The following CNOT4 variants were observed in gnomAD, a reference collection of about 807,000 sequenced individuals.
The protein encoded by CNOT4 is CCR4-NOT transcription complex subunit 4.
A neutral mutation model predicts 73.8 loss-of-function variants in CNOT4; 8 were observed. The observed-to-expected ratio is 0.11, with a 90% confidence interval of 0.06 to 0.20. CNOT4 has a LOEUF of 0.20. CNOT4 is among the 10% of genes least tolerant of loss of function. The pLI, the probability that CNOT4 is intolerant of heterozygous loss-of-function variation, is 1.00. For missense variants in CNOT4, 564 were observed against 883.4 expected (o/e 0.64, Z 4.58); for synonymous variants, 293 against 321.1 (o/e 0.91, Z 0.94).
chr7:135,362,610 G>T lies in CNOT4; in HGVS notation c.*275C>A, dbSNP rs1412513115. On this transcript the variant is annotated 3_prime_UTR_variant, in exon 12 of 12. Transcript: ENST00000541284. ...CAATAATTTTCTAAGTATTGAGACT[G>T]CCCTTTGATTTTTTTTTCTCTCCTT... is the stretch of plus-strand genomic sequence containing the variant. The T allele has an allele frequency of 3.5e-6, 2 of 565,480 alleles. No individual in the cohort carries two copies. Among genetic ancestry groups the T allele is most frequent in the Admixed American group, 5.9e-5 (2 of 33,702 alleles). 35.0% of individuals were successfully genotyped at this position (565,480 alleles called of 1,614,324 possible).
At position 135,438,326 on chromosome 7, in the gene CNOT4, A is replaced by C; in HGVS notation, c.6T>G (p.Ser2=). The C allele has an allele frequency of 6.2e-7, 1 of 1,601,712 alleles. No individual in the cohort carries two copies. M[S]RSPDAKEDPV... ...GGTCTTCCTTCGCATCAGGACTGCG[A>C]GACATCTTCACGTTTATTAAACAGC... is the stretch of plus-strand genomic sequence containing the variant. The change falls in exon 2 of 12, where the codon TCT becomes TCG. Residue 2 remains serine, a synonymous_variant. Transcript: ENST00000541284.
chr7:135,401,947 G>A lies in CNOT4; in HGVS notation c.822-3721C>T, dbSNP rs542835143. Among the ~76,000 whole-genome samples, 10 of 152,162 alleles carry A rather than the reference G, an allele frequency of 6.6e-5. No homozygotes were observed. The South Asian group carries it at 2.1e-3, about 32-fold the overall frequency. On this transcript the variant is annotated intron_variant, in intron 7 of 11. Coordinates refer to ENST00000541284, the MANE Select transcript of CNOT4 (RefSeq NM_001190850.2). ...ACTAAGAAATACTAATAGGTAATCT[G>A]GTCTCCTAACACAATCAAGATATTC...
At chr7:135,396,107 CTTTTTTTTTTTTTTT>C (rs71174519) in intron 8 of CNOT4, among the ~76,000 whole-genome samples, 10 of 95,432 alleles carry the variant, frequency 1.0e-4, no homozygotes, top group African/African-American at 1.4e-4. Flanking sequence ...ACTAGTCTCC[CTTTTTTTTTTTTTTT>C]TTTTTTTTTT....
intron 1 of CNOT4, among the ~76,000 whole-genome samples, chr7:135,504,958 A>G (rs889390308): frequency 7.9e-5 from 12 of 152,208 alleles, no homozygotes; most frequent in East Asian, 3.9e-4. Context: ...AAAGCATTTT[A>G]TTCTTCTAAT....
rs1797794594 is a variant in CNOT4, at chr7:135,415,168, T to TTA, written c.459+6_459+7dup. On this transcript the variant is annotated splice_region_variant and intron_variant, in intron 4 of 11. Transcript: ENST00000541284. Reference sequence around the variant, plus strand: ...GGAGGAAAAGCAAAAATCCCTAAAATTAGTTACCTGTGAGCCTGCATATGA... The same window carrying TTA: ...GGAGGAAAAGCAAAAATCCCTAAAATTATAGTTACCTGTGAGCCTGCATATGA... 6.4e-7 allele frequency: 1 copy of TTA among 1,562,492 alleles called. No individual in the cohort carries two copies. Among genetic ancestry groups the TTA allele is most frequent in the African/African-American group, 1.4e-5 (1 of 73,564 alleles).
intron 1 of CNOT4, among the ~76,000 whole-genome samples, chr7:135,504,385 T>G (rs181497967): frequency 1.9e-4 from 29 of 148,984 alleles, no homozygotes; most frequent in African/African-American, 7.2e-4. Flanking sequence ...AACCTCTGAC[T>G]CCCAAGTTCA....
chr7:135,497,535 A>C (rs1386242743), intron 1 of CNOT4, among the ~76,000 whole-genome samples: 1 of 152,174 alleles, frequency 6.6e-6, no homozygotes, highest in Non-Finnish European at 1.5e-5. Flanking sequence ...AACAGAACAG[A>C]CCAAAAAAAA....
intron 1 of CNOT4, among the ~76,000 whole-genome samples, chr7:135,489,240 T>C (rs1446735356): frequency 6.6e-6 from 1 of 152,120 alleles, no homozygotes; most frequent in African/African-American, 2.4e-5. Flanking sequence ...ATTAATTTTA[T>C]TTAACCCAAC....
chr7:135,366,948 C>T (rs1487864679), intron 10 of CNOT4, among the ~76,000 whole-genome samples: 1 of 152,164 alleles, frequency 6.6e-6, no homozygotes, highest in Non-Finnish European at 1.5e-5. Context: ...GCTGCGAGGG[C>T]TTCTGGCAAT....
At chr7:135,376,100 T>C (rs997289789) in intron 10 of CNOT4, among the ~76,000 whole-genome samples, 3 of 150,628 alleles carry the variant, frequency 2.0e-5, no homozygotes, top group African/African-American at 4.9e-5. Flanking sequence ...ATCTTAACAA[T>C]GAACACCACA....
chr7:135,397,789 G>A (rs1796778394), intron 8 of CNOT4, among the ~76,000 whole-genome samples: 1 of 152,048 alleles, frequency 6.6e-6, no homozygotes, highest in Admixed American at 6.6e-5. Context: ...AAATACACTT[G>A]ACTGAAATAG....
rs1797090743 is a variant in CNOT4 at position 135,403,123 on chromosome 7, T to C, written c.822-4897A>G. On this transcript the variant is annotated intron_variant, in intron 7 of 11. Transcript: ENST00000541284. ...ATTTACTTACATTTTAAACATAAAA[T>C]TTACATAAGGATAAAAGTCAACATA... is the stretch of plus-strand genomic sequence containing the variant. 1.3e-5 allele frequency among the ~76,000 whole-genome samples: 2 copies of C among 152,230 alleles called. 1 individual carries two copies. Among genetic ancestry groups the C allele is most frequent in the South Asian group, 4.1e-4 (2 of 4,830 alleles).
chr7:135,398,838 T>C (rs891851702), intron 7 of CNOT4, among the ~76,000 whole-genome samples: 1 of 152,098 alleles, frequency 6.6e-6, no homozygotes, highest in African/African-American at 2.4e-5. Flanking sequence ...TTTCTGGGTG[T>C]TTGACAGAGG....
chr7:135,388,055 A>T (rs926914782), intron 10 of CNOT4: 2 of 985,318 alleles, frequency 2.0e-6, no homozygotes, highest in African/African-American at 3.5e-5. Context: ...GTTTCAGATA[A>T]GTCAACTATA....
intron 2 of CNOT4, among the ~76,000 whole-genome samples, chr7:135,436,352 G>T (rs1294918342): frequency 6.8e-6 from 1 of 147,982 alleles, no homozygotes. Context: ...CATCCCAAAG[G>T]GAAAAAAAAA....
intron 1 of CNOT4, among the ~76,000 whole-genome samples, chr7:135,489,200 A>C (rs989986124): frequency 3.9e-5 from 6 of 152,136 alleles, no homozygotes; most frequent in Admixed American, 3.3e-4. Flanking sequence ...CACTAGCCAT[A>C]TTTAGAAAAA....
intron 1 of CNOT4, among the ~76,000 whole-genome samples, chr7:135,504,330 C>T (rs1204737752): frequency 2.0e-5 from 3 of 149,498 alleles, no homozygotes; most frequent in Non-Finnish European, 1.5e-5. Context: ...AAGTCTCACT[C>T]TGTCACCCAG....
intron 10 of CNOT4, among the ~76,000 whole-genome samples, chr7:135,378,811 C>A (rs1795668737): frequency 6.6e-6 from 1 of 151,920 alleles, no homozygotes; most frequent in African/African-American, 2.4e-5. Flanking sequence ...CAAAGCAAAA[C>A]CCTGTCTCTA....
At chr7:135,388,745 T>G (rs1796248215) in intron 10 of CNOT4, 1 of 1,576,854 alleles carries the variant, frequency 6.3e-7, no homozygotes, top group African/African-American at 1.3e-5. Context: ...AAAATCCAGT[T>G]GCCCATGCAA....
Sources: allele counts gnomAD v4.1 joint callset (sites outside exome capture counted in the v4.1 genomes callset), GRCh38; gene constraint gnomAD v4.1.1; transcripts MANE v1.5; gene names NCBI Gene and HGNC (gene_info 2026-07-23, HGNC 2026-07-21).